Variants in SLC7A5 observed in about 807,000 individuals in gnomAD.
The protein encoded by SLC7A5 is large neutral amino acids transporter small subunit 1.
A neutral mutation model predicts 50.2 loss-of-function variants in SLC7A5; 23 were observed. The ratio of observed to expected loss-of-function variants is 0.46; its 90% CI spans 0.33 to 0.65. The LOEUF (loss-of-function observed/expected upper bound fraction) is 0.65. Ranked by LOEUF, SLC7A5 falls within the 30% of genes least tolerant of loss-of-function variation. The pLI, the probability that SLC7A5 is intolerant of heterozygous loss-of-function variation, is 0.02. For missense variants in SLC7A5, 578 were observed against 684.4 expected, an observed-to-expected ratio of 0.84 and a Z score of 1.73; for synonymous variants, 393 against 330.6, an observed-to-expected ratio of 1.19 and a Z score of -2.05.
chr16:87,867,836 C>T (rs1251123941), intron 1 of SLC7A5, among the ~76,000 whole-genome samples: 1 of 152,184 alleles, frequency 6.6e-6, no homozygotes, highest in African/African-American at 2.4e-5. Flanking sequence ...TATTTTGAGG[C>T]CGGGCACGGT....
intron 5 of SLC7A5, 107 bp from the exon 6 acceptor site, chr16:87,838,924 C>T (rs2055047286): frequency 2.5e-6 from 2 of 814,872 alleles, no homozygotes; most frequent in Non-Finnish European, 4.2e-6. Flanking sequence ...TCTGTGCTCA[C>T]AAGAGCCCTC....
chr16:87,836,907 A>C, intron 7 of SLC7A5: 9 of 492,100 alleles, frequency 1.8e-5, no homozygotes, highest in East Asian at 3.8e-5. Context: ...AGAGGAGGAA[A>C]TGGAGACCAC....
At chr16:87,839,603 G>A in intron 5 of SLC7A5, 99 bp downstream of exon 5, 1 of 1,575,352 alleles carries the variant, frequency 6.3e-7, no homozygotes, top group Non-Finnish European at 8.7e-7. Flanking sequence ...CCTCTGCGTA[G>A]GGGAGGCTTA....
chr16:87,863,986 A>AAAAAAAATATATATATAT (rs376938738), intron 1 of SLC7A5, among the ~76,000 whole-genome samples: 4 of 83,280 alleles, frequency 4.8e-5, no homozygotes, highest in Admixed American at 1.4e-4. Context: ...ATCATTTAAA[A>AAAAAAAATATATATATAT]ATATATATAT....
rs535046828 is a variant in SLC7A5 at position 87,867,437 on chromosome 16, C to T, written c.538+1448G>A. On this transcript the variant is annotated intron_variant, in intron 1 of 9. Transcript: ENST00000261622. ...CCACTGCTGTCCTGCTACGATTTTT[C>T]CCGGCTTTGACCTGCATGGTGGTGC... 1.5e-4 allele frequency among the ~76,000 whole-genome samples: 23 copies of T among 152,326 alleles called. No homozygotes were observed. In the Middle Eastern group the frequency reaches 0.01, roughly 68 times the overall value.
chr16:87,838,983 G>A (rs1308486414), intron 5 of SLC7A5, among the ~76,000 whole-genome samples, 166 bp from the exon 6 acceptor site: 2 of 152,220 alleles, frequency 1.3e-5, no homozygotes, highest in Admixed American at 1.3e-4. Flanking sequence ...GGACTTCCCA[G>A]GACAGGGCTT....
Position 87,833,319 on chromosome 16 carries a change from T to C in SLC7A5, c.1469-294A>G, listed in dbSNP as rs1172668003. Among the ~76,000 whole-genome samples, 1 of 152,184 alleles carries C rather than the reference T, an allele frequency of 6.6e-6. No individual in the cohort carries two copies. On this transcript the variant is annotated intron_variant, in intron 9 of 9. Coordinates refer to ENST00000261622, the MANE Select transcript of SLC7A5 (RefSeq NM_003486.7). The surrounding 1 kb of genome is among the most constrained non-coding windows in gnomAD (Gnocchi z 6.0). ...CCCCTGGGGCACACGAACCAGGCCC[T>C]GGTGTCTCAGCAAAGTGCAACGGGG...
intron 1 of SLC7A5, among the ~76,000 whole-genome samples, chr16:87,868,536 T>A (rs2055491746): frequency 6.6e-6 from 1 of 152,220 alleles, no homozygotes; most frequent in Non-Finnish European, 1.5e-5. Flanking sequence ...GCTCAGTTAC[T>A]CCACGTGGGT....
At position 87,831,271 on chromosome 16, in the gene SLC7A5, A is replaced by G. The variant is rs574061095; in HGVS notation, c.*1699T>C. The G allele has an allele frequency of 6.6e-6, 1 of 152,496 alleles. No homozygotes were observed. The highest frequency in any genetic ancestry group is 1.9e-4 in the East Asian group (1 of 5,180). 9.4% of individuals were successfully genotyped at this position (152,496 alleles called of 1,614,324 possible). ...TGAGCAGACGCTGTGAAGTCTGTCC[A>G]TGTGCAGCGGGAAGCAACGGGGCAG... is the stretch of plus-strand genomic sequence containing the variant. On this transcript the variant is annotated 3_prime_UTR_variant, in exon 10 of 10. Coordinates refer to ENST00000261622, the MANE Select transcript of SLC7A5 (RefSeq NM_003486.7).
intron 2 of SLC7A5, among the ~76,000 whole-genome samples, chr16:87,845,665 G>C (rs1353407982): frequency 6.6e-6 from 1 of 152,226 alleles, no homozygotes; most frequent in African/African-American, 2.4e-5. Context: ...GCGGCAACCA[G>C]ATGGCACTTT....
At chr16:87,849,023 G>C (rs919463395) in intron 2 of SLC7A5, among the ~76,000 whole-genome samples, 20 of 152,234 alleles carry the variant, frequency 1.3e-4, no homozygotes, top group Non-Finnish European at 2.9e-5. Flanking sequence ...CAATGGAGCA[G>C]GGCACCCAGG....
chr16:87,849,491 C>T (rs562472726), intron 2 of SLC7A5, among the ~76,000 whole-genome samples: 3 of 152,282 alleles, frequency 2.0e-5, no homozygotes, highest in East Asian at 1.9e-4. Context: ...CTCTCCCTAC[C>T]GAAATTTGTT....
intron 6 of SLC7A5, 133 bp from the exon 7 acceptor site, chr16:87,838,074 G>A: frequency 1.3e-6 from 1 of 743,540 alleles, no homozygotes; most frequent in Non-Finnish European, 2.4e-6. Flanking sequence ...GTGGGAACCA[G>A]GCCCCTCCAG....
At chr16:87,864,992 C>T (rs965843493) in intron 1 of SLC7A5, among the ~76,000 whole-genome samples, 6 of 152,188 alleles carry the variant, frequency 3.9e-5, no homozygotes, top group African/African-American at 7.2e-5. Context: ...GCCAACTTCT[C>T]GGCCTTCCAA....
In SLC7A5 at chr16:87,833,642, T is replaced by TG. The variant is rs796591571; in HGVS notation, c.1469-618dup. Among the ~76,000 whole-genome samples the TG allele has an allele frequency of 6.2e-3, 781 of 126,528 alleles. 5 individuals carry two copies. The highest frequency in any genetic ancestry group is 0.039 in the African/African-American group (728 of 18,640). 83.0% of individuals were successfully genotyped at this position (126,528 alleles called of 152,430 possible). ...CGGTGATCAGAGTGTGGGGTAGGGG[T>TG]GGGGGGTCTCCCTGCCTGTGTTGCT... On this transcript the variant is annotated intron_variant, in intron 9 of 9. Transcript: ENST00000261622. The surrounding 1 kb of genome is among the most constrained non-coding windows in gnomAD (Gnocchi z 6.0).
In SLC7A5 at chr16:87,836,696, T is replaced by G. The variant is rs778651728; in HGVS notation, c.1141-49A>C. On this transcript the variant is annotated intron_variant, in intron 7 of 9. Coordinates refer to ENST00000261622, the MANE Select transcript of SLC7A5 (RefSeq NM_003486.7). Reference sequence around the variant, plus strand: ...GAGCCCTGGGGCCCACGAGCAGGGCTGTGGACGGCCGTGGTGGCCACCGGG... The same window carrying G: ...GAGCCCTGGGGCCCACGAGCAGGGCGGTGGACGGCCGTGGTGGCCACCGGG... 4 of 1,601,590 alleles carry G rather than the reference T, an allele frequency of 2.5e-6. No homozygotes were observed. In the African/African-American group the frequency reaches 5.3e-5, roughly 21 times the overall value.
intron 1 of SLC7A5, among the ~76,000 whole-genome samples, chr16:87,855,229 C>G (rs992876392): frequency 6.6e-6 from 1 of 152,182 alleles, no homozygotes; most frequent in Non-Finnish European, 1.5e-5. Flanking sequence ...TGGGGCGTCC[C>G]GGGGAGGTTG....
At chr16:87,856,040 C>T (rs72814368) in intron 1 of SLC7A5, among the ~76,000 whole-genome samples, 23,764 of 152,124 alleles carry the variant, frequency 0.16, 2,062 homozygotes, top group Middle Eastern at 0.24. Flanking sequence ...AGTGGGAGTA[C>T]CCAGTGAACA....
chr16:87,839,987 G>A (rs2055063062), intron 4 of SLC7A5, among the ~76,000 whole-genome samples, 162 bp from the exon 5 acceptor site: 1 of 152,208 alleles, frequency 6.6e-6, no homozygotes, highest in Non-Finnish European at 1.5e-5. Context: ...GCTGGCGGCA[G>A]GAGGCTGTGC....
Sources: gnomAD v4.1 joint callset for allele counts (sites outside exome capture counted in the v4.1 genomes callset) on GRCh38, gnomAD v4.1.1 for gene constraint, Gnocchi (gnomAD v3.1) non-coding constraint, MANE v1.5 for transcripts, NCBI Gene and HGNC (gene_info 2026-07-23, HGNC 2026-07-21) for gene names.